Variants in VDAC1 observed in about 807,000 individuals in gnomAD.
The protein encoded by VDAC1 is non-selective voltage-gated ion channel VDAC1.
A neutral mutation model predicts 34.7 loss-of-function variants in VDAC1; 10 were observed. That is an observed-to-expected ratio of 0.29 (90% CI 0.18 to 0.49). VDAC1 has a LOEUF of 0.49. Among genes scored for constraint, VDAC1 ranks in the 20% least tolerant of loss-of-function variants. The pLI, the probability that VDAC1 is intolerant of heterozygous loss-of-function variation, is 0.99. For missense variants in VDAC1, 230 were observed against 347.9 expected (o/e 0.66, Z 2.69); for synonymous variants, 130 against 136.0 (o/e 0.96, Z 0.30).
chr5:134,072,926 G>A, the VDAC1 span, among the ~76,000 whole-genome samples: 1 of 152,190 alleles, frequency 6.6e-6, no homozygotes, highest in Non-Finnish European at 1.5e-5. Flanking sequence ...ATCATGTTGT[G>A]TAAACAGCTC....
upstream of VDAC1, among the ~76,000 whole-genome samples, chr5:134,009,571 C>A (rs1178106810): frequency 6.6e-6 from 1 of 151,862 alleles, no homozygotes; most frequent in Admixed American, 6.6e-5. Context: ...TTGATCAATT[C>A]TTATAAATTG....
the VDAC1 span, among the ~76,000 whole-genome samples, chr5:134,110,943 C>T: frequency 6.6e-6 from 1 of 152,218 alleles, no homozygotes; most frequent in African/African-American, 2.4e-5. Context: ...CATGACGTTA[C>T]ATGAAGAGCC....
the VDAC1 span, among the ~76,000 whole-genome samples, chr5:134,102,293 T>C: frequency 1.3e-5 from 2 of 152,144 alleles, no homozygotes; most frequent in East Asian, 3.9e-4. Context: ...GCACTCGTGG[T>C]CTGAATGGAG....
the VDAC1 span, among the ~76,000 whole-genome samples, chr5:134,033,400 C>T: frequency 6.6e-6 from 1 of 151,574 alleles, no homozygotes; most frequent in Non-Finnish European, 1.5e-5. Context: ...TCGTGATCCG[C>T]CCGCCTCGGC....
chr5:134,105,668 A>T, the VDAC1 span, among the ~76,000 whole-genome samples: 1 of 152,020 alleles, frequency 6.6e-6, no homozygotes, highest in Non-Finnish European at 1.5e-5. Flanking sequence ...TGAGCAAAAC[A>T]CCCTAGGCTG....
At chr5:134,004,210 G>A (rs906054827) in intron 1 of VDAC1, among the ~76,000 whole-genome samples, 4 of 151,990 alleles carry the variant, frequency 2.6e-5, no homozygotes, top group Non-Finnish European at 5.9e-5. Context: ...AGCGTGGCCG[G>A]CACCCGCCCG....
the VDAC1 span, among the ~76,000 whole-genome samples, chr5:134,083,674 T>A: frequency 6.6e-6 from 1 of 152,212 alleles, no homozygotes; most frequent in Non-Finnish European, 1.5e-5. Flanking sequence ...ATGTCTCCAC[T>A]ATGAGCCTTC....
chr5:134,086,040 A>G, the VDAC1 span, among the ~76,000 whole-genome samples: 95 of 152,238 alleles, frequency 6.2e-4, no homozygotes, highest in African/African-American at 2.2e-3. Context: ...TAAAAATACA[A>G]AAAAATGTAG....
the VDAC1 span, among the ~76,000 whole-genome samples, chr5:134,032,679 G>T: frequency 6.6e-6 from 1 of 152,292 alleles, no homozygotes; most frequent in South Asian, 2.1e-4. Context: ...TAACTGGAAA[G>T]AGAAAAATAC....
chr5:134,107,246 G>A, the VDAC1 span, among the ~76,000 whole-genome samples: 2 of 152,332 alleles, frequency 1.3e-5, no homozygotes, highest in East Asian at 3.9e-4. Flanking sequence ...GAGGGGCCAG[G>A]AGGGCAGACA....
chr5:133,990,703 G>A (rs1227368548), intron 5 of VDAC1, 152 bp downstream of exon 5: 1 of 830,698 alleles, frequency 1.2e-6, no homozygotes, highest in African/African-American at 1.7e-5. Flanking sequence ...TACGACCCCT[G>A]GGACCAAATC....
the VDAC1 span, among the ~76,000 whole-genome samples, chr5:134,043,237 G>T: frequency 7.9e-5 from 12 of 152,330 alleles, no homozygotes; most frequent in Non-Finnish European, 1.6e-4. Flanking sequence ...TCTGAGTGAG[G>T]ATTTCTCACC....
upstream of VDAC1, among the ~76,000 whole-genome samples, chr5:134,008,823 T>C (rs1753792440): frequency 6.6e-6 from 1 of 152,230 alleles, no homozygotes; most frequent in African/African-American, 2.4e-5. Context: ...AATTGGATTA[T>C]AAAGTTGCAT....
chr5:133,997,586 C>T (rs1346081072), intron 1 of VDAC1, among the ~76,000 whole-genome samples: 3 of 151,002 alleles, frequency 2.0e-5, no homozygotes, highest in South Asian at 2.1e-4. Context: ...TGATGGTGCA[C>T]GCCTGTAATG....
At chr5:134,089,807 T>G in the VDAC1 span, among the ~76,000 whole-genome samples, 2 of 152,128 alleles carry the variant, frequency 1.3e-5, no homozygotes, top group Non-Finnish European at 2.9e-5. Flanking sequence ...CTGGCCAACA[T>G]GGTGAAACCC....
chr5:134,067,047 C>A, the VDAC1 span, among the ~76,000 whole-genome samples: 20 of 148,662 alleles, frequency 1.3e-4, no homozygotes, highest in Non-Finnish European at 2.1e-4. Flanking sequence ...TTTTCCCCCT[C>A]TTTTCCTGCT....
intron 5 of VDAC1, 131 bp from the exon 6 acceptor site, chr5:133,981,087 C>A: frequency 1.4e-6 from 1 of 701,986 alleles, no homozygotes; most frequent in Non-Finnish European, 2.4e-6. Flanking sequence ...TCCAGTTCTC[C>A]CTTAAGCCAC....
the VDAC1 span, among the ~76,000 whole-genome samples, chr5:134,110,362 C>T: frequency 3.3e-5 from 5 of 152,174 alleles, no homozygotes; most frequent in African/African-American, 1.2e-4. Context: ...AAGAACTGAC[C>T]CCAAAGCCCC....
chr5:134,096,939 G>C, the VDAC1 span, among the ~76,000 whole-genome samples: 1 of 152,272 alleles, frequency 6.6e-6, no homozygotes, highest in African/African-American at 2.4e-5. Context: ...CGAAGGCCTA[G>C]CTAAGGGGCT....
Sources: gnomAD v4.1 joint callset for allele counts (sites outside exome capture counted in the v4.1 genomes callset) on GRCh38, gnomAD v4.1.1 for gene constraint, MANE v1.5 for transcripts, NCBI Gene and HGNC (gene_info 2026-07-23, HGNC 2026-07-21) for gene names.